The following SIPA1L1 variants were observed in gnomAD, a reference collection of about 807,000 sequenced individuals.
SIPA1L1 encodes the protein signal induced proliferation associated 1 like 1.
SIPA1L1 carries 26 observed loss-of-function variants against 162.7 expected under a neutral mutation model. The ratio of observed to expected loss-of-function variants is 0.16; its 90% CI spans 0.12 to 0.22. SIPA1L1 has a LOEUF of 0.22. Among genes scored for constraint, SIPA1L1 ranks in the 10% least tolerant of loss-of-function variants. The pLI is 1.00. For synonymous variants in SIPA1L1, 829 were observed against 837.4 expected (o/e 0.99, Z 0.17); for missense variants, 1,874 against 2,241.0 (o/e 0.84, Z 3.31).
At chr14:71,702,275 A>G in intron 14 of SIPA1L1, 106 bp from the exon 15 acceptor site, 3 of 1,234,344 alleles carry the variant, frequency 2.4e-6, no homozygotes, top group Non-Finnish European at 3.5e-6. Context: ...ATAAGCAAAA[A>G]CCAGTAGTGC....
At chr14:71,391,124 T>TTTG (rs2040715363) in intron 2 of SIPA1L1, among the ~76,000 whole-genome samples, 1 of 149,294 alleles carries the variant, frequency 6.7e-6, no homozygotes, top group Admixed American at 6.7e-5. Context: ...TTTTTTTTTT[T>TTTG]GAGACAGACT....
At chr14:71,367,597 C>T (rs367864124) in intron 2 of SIPA1L1, among the ~76,000 whole-genome samples, 2,566 of 148,372 alleles carry the variant, frequency 0.017, 30 homozygotes, top group African/African-American at 0.024. Context: ...TGTGAGCCAC[C>T]GTGCCCGGCC....
chr14:71,338,117 C>T (rs2035285504), intron 2 of SIPA1L1, among the ~76,000 whole-genome samples: 1 of 152,166 alleles, frequency 6.6e-6, no homozygotes, highest in African/African-American at 2.4e-5. Context: ...CTTCAAGACC[C>T]ACCTTCTTCA....
intron 19 of SIPA1L1, among the ~76,000 whole-genome samples, chr14:71,727,201 A>T (rs1166530137): frequency 1.3e-5 from 2 of 152,264 alleles, no homozygotes; most frequent in East Asian, 3.9e-4. Context: ...CAGTAGTGCC[A>T]GTGCTCTCAG....
chr14:71,499,100 G>T (rs2050005394), intron 2 of SIPA1L1, among the ~76,000 whole-genome samples: 1 of 152,158 alleles, frequency 6.6e-6, no homozygotes. Flanking sequence ...ATCATGGTTT[G>T]CAGGGTTGAT....
At chr14:71,619,681 A>G (rs988572462) in intron 6 of SIPA1L1, among the ~76,000 whole-genome samples, 1 of 152,260 alleles carries the variant, frequency 6.6e-6, no homozygotes, top group Non-Finnish European at 1.5e-5. Context: ...TTTGTTATGC[A>G]TTAATACTTA....
intron 2 of SIPA1L1, among the ~76,000 whole-genome samples, chr14:71,444,290 C>T (rs568908087): frequency 6.6e-6 from 1 of 152,334 alleles, no homozygotes; most frequent in South Asian, 2.1e-4. Context: ...TCCCACCTCT[C>T]TGTGAACACA....
chr14:71,463,074 C>G (rs1025160069), intron 2 of SIPA1L1, among the ~76,000 whole-genome samples: 1 of 152,248 alleles, frequency 6.6e-6, no homozygotes, highest in Non-Finnish European at 1.5e-5. Context: ...TCACCAAGAT[C>G]TATGTCTTCT....
chr14:71,700,999 A>G (rs1482457746), intron 14 of SIPA1L1, among the ~76,000 whole-genome samples: 1 of 17,882 alleles, frequency 5.6e-5, no homozygotes, highest in Admixed American at 1.0e-3. Context: ...CGTCTCAAAA[A>G]AAAAAAAAAA....
At chr14:71,421,627 G>A (rs71427112) in intron 2 of SIPA1L1, among the ~76,000 whole-genome samples, 1,873 of 152,024 alleles carry the variant, frequency 0.012, 27 homozygotes, top group Non-Finnish European at 0.019. Flanking sequence ...TAATAAAATA[G>A]GTAAAGCTTA....
chr14:71,620,434 C>T (rs2039313100), intron 6 of SIPA1L1, among the ~76,000 whole-genome samples: 1 of 152,202 alleles, frequency 6.6e-6, no homozygotes, highest in African/African-American at 2.4e-5. Flanking sequence ...TTCGCATTCT[C>T]TTCTTTTTCC....
chr14:71,354,988 A>G (rs2037101210), intron 2 of SIPA1L1, among the ~76,000 whole-genome samples: 1 of 152,144 alleles, frequency 6.6e-6, no homozygotes, highest in South Asian at 2.1e-4. Context: ...CTTGTCTTGA[A>G]TCACTGTGCC....
intron 2 of SIPA1L1, among the ~76,000 whole-genome samples, chr14:71,384,097 C>T (rs138368493): frequency 2.6e-5 from 4 of 152,042 alleles, no homozygotes; most frequent in Admixed American, 6.6e-5. Flanking sequence ...AGCCAGACTG[C>T]GAATTACTTG....
chr14:71,483,242 AC>A (rs2048484975), intron 2 of SIPA1L1, among the ~76,000 whole-genome samples: 1 of 152,222 alleles, frequency 6.6e-6, no homozygotes. Context: ...TGTTTGGGGT[AC>A]CGTTTTTCTT....
intron 4 of SIPA1L1, chr14:71,574,075 T>G: frequency 5.4e-6 from 1 of 186,304 alleles, no homozygotes; most frequent in South Asian, 8.8e-5. Flanking sequence ...AAGTAGAAAT[T>G]TTGATTTCTA....
intron 7 of SIPA1L1, among the ~76,000 whole-genome samples, chr14:71,628,907 A>C (rs895288366): frequency 6.6e-6 from 1 of 152,184 alleles, no homozygotes; most frequent in Non-Finnish European, 1.5e-5. Flanking sequence ...GCTGAGCAGG[A>C]GTGTGAGGCA....
intron 2 of SIPA1L1, among the ~76,000 whole-genome samples, chr14:71,451,366 G>C (rs2045807275): frequency 6.6e-6 from 1 of 152,054 alleles, no homozygotes. Context: ...TGCAGGCCAG[G>C]CACCTGCTTG....
intron 2 of SIPA1L1, among the ~76,000 whole-genome samples, chr14:71,411,532 C>T (rs969174022): frequency 1.3e-5 from 2 of 152,190 alleles, no homozygotes; most frequent in African/African-American, 2.4e-5. Flanking sequence ...ACTGATTTCA[C>T]GGGCACCTTG....
intron 5 of SIPA1L1, among the ~76,000 whole-genome samples, chr14:71,595,830 A>G (rs1290981903): frequency 6.6e-6 from 1 of 152,086 alleles, no homozygotes; most frequent in Non-Finnish European, 1.5e-5. Flanking sequence ...TGTTCAACCT[A>G]CGATCTCTAG....
Sources: allele counts gnomAD v4.1 joint callset (sites outside exome capture counted in the v4.1 genomes callset), GRCh38; gene constraint gnomAD v4.1.1; transcripts MANE v1.5; gene names NCBI Gene and HGNC (gene_info 2026-07-23, HGNC 2026-07-21).